Variants in PRKDC observed in about 807,000 individuals in gnomAD.
PRKDC encodes protein kinase, DNA-activated, catalytic subunit.
A neutral mutation model predicts 486.9 loss-of-function variants in PRKDC; 82 were observed. The ratio of observed to expected loss-of-function variants is 0.17; its 90% confidence interval spans 0.14 to 0.20. The LOEUF (loss-of-function observed/expected upper bound fraction) is 0.20, where lower values mean the gene tolerates loss of function less well. Ranked by LOEUF, PRKDC falls within the 10% of genes least tolerant of loss-of-function variation. The pLI is 1.00. For synonymous variants in PRKDC, 1,895 were observed against 1,837.0 expected (o/e 1.03, Z -0.81); for missense variants, 4,504 against 5,038.2 (o/e 0.89, Z 3.21).
chr8:47,811,274 G>A (rs1200739052), intron 68 of PRKDC, among the ~76,000 whole-genome samples: 1 of 151,958 alleles, frequency 6.6e-6, no homozygotes, highest in Non-Finnish European at 1.5e-5. Flanking sequence ...ATACTACAAG[G>A]GGCAGGGAGA....
At chr8:47,921,012 G>A (rs1288542314) in intron 21 of PRKDC, among the ~76,000 whole-genome samples, 1 of 152,166 alleles carries the variant, frequency 6.6e-6, no homozygotes, top group Non-Finnish European at 1.5e-5. Context: ...CCAGCACTTT[G>A]GGAGGCCGAG....
At chr8:47,906,649 G>C (rs1207967394) in intron 25 of PRKDC, among the ~76,000 whole-genome samples, 1 of 150,836 alleles carries the variant, frequency 6.6e-6, no homozygotes, top group Non-Finnish European at 1.5e-5. Context: ...AAATGCTTGT[G>C]GTGGAAGTTA....
At chr8:47,843,876 TG>T (rs1464550323) in intron 54 of PRKDC, among the ~76,000 whole-genome samples, 4 of 152,244 alleles carry the variant, frequency 2.6e-5, no homozygotes, top group African/African-American at 9.6e-5. Context: ...AGACCTGTCT[TG>T]TAAGAGGTCC....
intron 30 of PRKDC, among the ~76,000 whole-genome samples, chr8:47,894,583 C>G (rs561168540): frequency 1.3e-5 from 2 of 152,148 alleles, no homozygotes; most frequent in Non-Finnish European, 2.9e-5. Flanking sequence ...CCACCGAGGA[C>G]CTGCTGTCTG....
intron 70 of PRKDC, among the ~76,000 whole-genome samples, chr8:47,802,502 G>C (rs545746955): frequency 6.9e-6 from 1 of 144,742 alleles, no homozygotes; most frequent in Non-Finnish European, 1.5e-5. Flanking sequence ...TTTTTTGAGA[G>C]ACGGAGTTTT....
intron 11 of PRKDC, among the ~76,000 whole-genome samples, chr8:47,937,620 C>A (rs1171171657): frequency 1.3e-5 from 2 of 152,202 alleles, no homozygotes; most frequent in Admixed American, 6.5e-5. Context: ...CCCCGAGGAT[C>A]TGATGGTGCA....
intron 22 of PRKDC, among the ~76,000 whole-genome samples, chr8:47,918,006 A>G (rs2090014171): frequency 6.6e-6 from 1 of 151,978 alleles, no homozygotes; most frequent in Non-Finnish European, 1.5e-5. Flanking sequence ...CACCACACCC[A>G]GCTAATTTTT....
chr8:47,897,451 G>C (rs1290699857), intron 29 of PRKDC, among the ~76,000 whole-genome samples, 157 bp from the exon 30 acceptor site: 2 of 152,208 alleles, frequency 1.3e-5, no homozygotes, highest in African/African-American at 4.8e-5. Context: ...ATAATTAGAT[G>C]CAATCAAAAT....
intron 68 of PRKDC, among the ~76,000 whole-genome samples, chr8:47,812,441 A>T (rs2087349202): frequency 6.6e-6 from 1 of 152,356 alleles, no homozygotes; most frequent in Non-Finnish European, 1.5e-5. Flanking sequence ...GTGTTTTCTG[A>T]CCACAGTGGA....
chr8:47,947,159 T>C (rs1173459201), intron 7 of PRKDC, among the ~76,000 whole-genome samples: 2 of 152,176 alleles, frequency 1.3e-5, no homozygotes, highest in Non-Finnish European at 2.9e-5. Flanking sequence ...TGGCCGAGCA[T>C]GGGGCCAGGT....
intron 40 of PRKDC, among the ~76,000 whole-genome samples, chr8:47,872,356 G>C (rs1251048086): frequency 6.6e-6 from 1 of 151,800 alleles, no homozygotes; most frequent in Admixed American, 6.6e-5. Flanking sequence ...AAGGAAGACA[G>C]GAAGGGAAGC....
chr8:47,851,377 A>AT (rs1255446440), intron 52 of PRKDC, among the ~76,000 whole-genome samples: 6 of 152,226 alleles, frequency 3.9e-5, no homozygotes, highest in Non-Finnish European at 7.3e-5. Context: ...AAATCTGTTT[A>AT]TTTACAAAAA....
chr8:47,783,628 G>T, intron 78 of PRKDC, 114 bp downstream of exon 78: 2 of 989,096 alleles, frequency 2.0e-6, no homozygotes, highest in Non-Finnish European at 3.1e-6. Context: ...TGCTAAACTT[G>T]ATATATCTGT....
chr8:47,826,531 TA>T (rs1455047319), intron 63 of PRKDC, 124 bp downstream of exon 63: 3 of 1,010,444 alleles, frequency 3.0e-6, no homozygotes, highest in South Asian at 1.8e-5. Flanking sequence ...ACTTTTCTTT[TA>T]AATTTCACAT....
intron 71 of PRKDC, among the ~76,000 whole-genome samples, chr8:47,800,123 A>G (rs10094540): frequency 3.9e-4 from 59 of 151,590 alleles, no homozygotes; most frequent in Admixed American, 1.1e-3. Flanking sequence ...TACCCAAAGG[A>G]CTATAAATCA....
In PRKDC at chr8:47,927,180, C is replaced by T; in HGVS notation, c.2419+14G>A. On this transcript the variant is annotated intron_variant, in intron 21 of 85. Transcript: ENST00000314191. ...TTTAATTACAATACACATCACAATT[C>T]TTCTAAACATTACCTGACAAGGCTG... 6.2e-7 allele frequency: 1 copy of T among 1,610,436 alleles called. No individual in the cohort carries two copies.
At chr8:47,945,270 T>C (rs995884734) in intron 7 of PRKDC, among the ~76,000 whole-genome samples, 2 of 152,174 alleles carry the variant, frequency 1.3e-5, no homozygotes, top group Non-Finnish European at 1.5e-5. Context: ...ACAGACATAT[T>C]TATCATTTAA....
At chr8:47,837,506 A>T in intron 56 of PRKDC, 87 bp from the exon 57 acceptor site, 1 of 991,582 alleles carries the variant, frequency 1.0e-6, no homozygotes, top group Non-Finnish European at 1.5e-6. Context: ...TGGAGAAGGC[A>T]CAGCTCTTCA....
intron 35 of PRKDC, among the ~76,000 whole-genome samples, chr8:47,886,550 C>A (rs983203485): frequency 3.9e-5 from 6 of 152,082 alleles, no homozygotes; most frequent in African/African-American, 1.4e-4. Flanking sequence ...TTCTACCACA[C>A]CTGGCTAATT....
Sources: gnomAD v4.1 joint callset for allele counts (sites outside exome capture counted in the v4.1 genomes callset) on GRCh38, gnomAD v4.1.1 for gene constraint, MANE v1.5 for transcripts, NCBI Gene and HGNC (gene_info 2026-07-23, HGNC 2026-07-21) for gene names.